PRKCA: variants seen among roughly 807,000 people sequenced by gnomAD.
PRKCA encodes the protein protein kinase C alpha type.
PRKCA carries 27 observed loss-of-function variants against 87.0 expected under a neutral mutation model. The ratio of observed to expected loss-of-function variants is 0.31; its 90% CI spans 0.23 to 0.43. The LOEUF (loss-of-function observed/expected upper bound fraction) is 0.43. PRKCA is among the 20% of genes least tolerant of loss of function. PRKCA has a pLI of 1.00. For synonymous variants in PRKCA, 329 were observed against 311.1 expected (o/e 1.06, Z -0.61); for missense variants, 518 against 852.3 (o/e 0.61, Z 4.88).
chr17:66,697,206 GT>G (rs1180896752), intron 8 of PRKCA, among the ~76,000 whole-genome samples: 1 of 152,198 alleles, frequency 6.6e-6, no homozygotes, highest in African/African-American at 2.4e-5. Context: ...ATTCTAAAAA[GT>G]AAATAGCTAC....
In PRKCA at chr17:66,796,556, C is replaced by T. The variant is rs907258533; in HGVS notation, c.1855-7317C>T. 22 of 985,208 alleles carry T rather than the reference C, an allele frequency of 2.2e-5. No individual in the cohort carries two copies. In the African/African-American group the frequency reaches 3.8e-4, roughly 17 times the overall value. The allele number at this position is 985,208 out of a possible 1,614,324, so 61.0% of individuals were successfully genotyped here. A position where few individuals can be genotyped will look rare whatever the true frequency, so the allele number is the denominator to read the frequency against. ...AGCAAACTAACCCCACTTTATAACCCTTAACCGTGTGCCCCTGCTTGTGTT... is the reference window on the plus strand; with the variant it reads ...AGCAAACTAACCCCACTTTATAACCTTTAACCGTGTGCCCCTGCTTGTGTT... On this transcript the variant is annotated intron_variant, in intron 16 of 16. Transcript: ENST00000413366.
rs1555609694 is a variant in PRKCA at position 66,482,116 on chromosome 17, AAG to A, written c.206-14083_206-14082del. The stretch of plus-strand genomic sequence containing the variant: ...ACTGTCTCAAAAAAAAAAAAAAAAA[AAG>A]AAAAAAAGAAAAAAAAGAAAGTGGA... On this transcript the variant is annotated intron_variant, in intron 2 of 16. Transcript: ENST00000413366. Among the ~76,000 whole-genome samples the A allele has an allele frequency of 6.8e-3, 1,016 of 148,920 alleles. 11 individuals carry two copies. Among genetic ancestry groups the A allele is most frequent in the African/African-American group, 0.024 (939 of 39,938 alleles).
intron 3 of PRKCA, among the ~76,000 whole-genome samples, chr17:66,568,506 G>A (rs1233569815): frequency 6.6e-6 from 1 of 152,086 alleles, no homozygotes; most frequent in Non-Finnish European, 1.5e-5. Context: ...TGGAGGCCAG[G>A]AAGGCTGGCG....
chr17:66,716,350 A>G (rs1284338130), intron 8 of PRKCA, among the ~76,000 whole-genome samples: 1 of 152,196 alleles, frequency 6.6e-6, no homozygotes, highest in Admixed American at 6.5e-5. Flanking sequence ...AAAATGATTA[A>G]GTGCCCAAAG....
chr17:66,314,919 ATG>A lies in PRKCA; in HGVS notation c.205+8798_205+8799del, dbSNP rs1905236694. ...TGTGTGTGTATGTATGTATGTGTAT[ATG>A]TGTGTATATATATGTGTGTGTGTAT... On this transcript the variant is annotated intron_variant, in intron 2 of 16. Transcript: ENST00000413366. 4.8e-5 allele frequency among the ~76,000 whole-genome samples: 7 copies of A among 146,866 alleles called. No homozygotes were observed. In the South Asian group the frequency reaches 1.4e-3, roughly 29 times the overall value.
chr17:66,646,008 T>C (rs909076918), intron 5 of PRKCA, among the ~76,000 whole-genome samples: 2 of 152,206 alleles, frequency 1.3e-5, no homozygotes, highest in African/African-American at 2.4e-5. Flanking sequence ...GAACTTCACA[T>C]AGATTAGTTA....
At chr17:66,731,120 G>C (rs1205111986) in intron 8 of PRKCA, among the ~76,000 whole-genome samples, 1 of 152,164 alleles carries the variant, frequency 6.6e-6, no homozygotes, top group African/African-American at 2.4e-5. Context: ...GGAGGCCGAG[G>C]TGGGCGGATC....
chr17:66,508,812 G>A (rs930502930), intron 3 of PRKCA, among the ~76,000 whole-genome samples: 2 of 152,150 alleles, frequency 1.3e-5, no homozygotes, highest in African/African-American at 4.8e-5. Flanking sequence ...TCTATGAACT[G>A]TCTTTCATAT....
intron 5 of PRKCA, among the ~76,000 whole-genome samples, chr17:66,666,617 A>G (rs1428554755): frequency 6.6e-6 from 1 of 152,222 alleles, no homozygotes; most frequent in Non-Finnish European, 1.5e-5. Flanking sequence ...TACCCAAGGA[A>G]GGGAGAATCA....
chr17:66,309,853 A>T (rs2143131061), intron 2 of PRKCA, among the ~76,000 whole-genome samples: 1 of 152,222 alleles, frequency 6.6e-6, no homozygotes, highest in African/African-American at 2.4e-5. Flanking sequence ...TGTGGTATGG[A>T]CATTGATGAA....
chr17:66,688,453 G>C lies in PRKCA; in HGVS notation c.821+17G>C. The C allele has an allele frequency of 6.2e-7, 1 of 1,613,992 alleles. No individual in the cohort carries two copies. The highest frequency in any genetic ancestry group is 8.5e-7 in the Non-Finnish European group (1 of 1,179,936). On this transcript the variant is annotated intron_variant, in intron 7 of 16. Transcript: ENST00000413366. ...CAGTGGATGGTATGGAAGCCGCTTA[G>C]GTTGAGTATGTCTCAAAGCATCAGA...
At chr17:66,446,527 C>A (rs1321693724) in intron 2 of PRKCA, among the ~76,000 whole-genome samples, 1 of 152,174 alleles carries the variant, frequency 6.6e-6, no homozygotes, top group African/African-American at 2.4e-5. Flanking sequence ...TAAGCAGTTG[C>A]ATTGTTGATG....
intron 3 of PRKCA, among the ~76,000 whole-genome samples, chr17:66,544,502 A>G (rs997131750): frequency 1.3e-5 from 2 of 152,270 alleles, no homozygotes; most frequent in Admixed American, 1.3e-4. Context: ...TCAGTTTTCC[A>G]GAAAATGAGG....
chr17:66,533,187 GT>G (rs2143054562), intron 3 of PRKCA, among the ~76,000 whole-genome samples: 1 of 152,316 alleles, frequency 6.6e-6, no homozygotes, highest in East Asian at 1.9e-4. Flanking sequence ...TAAAACAGCA[GT>G]AAAGTCATAG....
At chr17:66,723,191 A>G (rs955371463) in intron 8 of PRKCA, among the ~76,000 whole-genome samples, 1 of 152,312 alleles carries the variant, frequency 6.6e-6, no homozygotes, top group East Asian at 1.9e-4. Flanking sequence ...GAGTTAGCCC[A>G]CAGAACTCTA....
rs148044978 is a variant in PRKCA at position 66,560,711 on chromosome 17, A to G, written c.288+64428A>G. ...CTATTTCCTCCCAGCTCTGTTTTCT[A>G]AAATCAGGCTGTATGTTCGAATCAC... On this transcript the variant is annotated intron_variant, in intron 3 of 16. Transcript: ENST00000413366. Among the ~76,000 whole-genome samples, 774 of 152,370 alleles carry G rather than the reference A, an allele frequency of 5.1e-3. 6 individuals are homozygous for G. Among genetic ancestry groups the G allele is most frequent in the African/African-American group, 0.017 (717 of 41,594 alleles).
intron 3 of PRKCA, among the ~76,000 whole-genome samples, chr17:66,605,653 A>G (rs1298409188): frequency 6.6e-6 from 1 of 152,270 alleles, no homozygotes; most frequent in Non-Finnish European, 1.5e-5. Context: ...AAGAAGGGTC[A>G]TAGCAGCATC....
chr17:66,622,931 C>T (rs1758445870), intron 3 of PRKCA, among the ~76,000 whole-genome samples: 1 of 152,228 alleles, frequency 6.6e-6, no homozygotes, highest in African/African-American at 2.4e-5. Flanking sequence ...GAGTACAATT[C>T]AAGATGAGAT....
At chr17:66,481,951 A>T (rs955878243) in intron 2 of PRKCA, among the ~76,000 whole-genome samples, 2 of 151,868 alleles carry the variant, frequency 1.3e-5, no homozygotes, top group Non-Finnish European at 2.9e-5. Flanking sequence ...AAATACAAAA[A>T]TTAGCTGGGT....
Sources: allele counts gnomAD v4.1 joint callset (sites outside exome capture counted in the v4.1 genomes callset), GRCh38; gene constraint gnomAD v4.1.1; transcripts MANE v1.5; gene names NCBI Gene and HGNC (gene_info 2026-07-23, HGNC 2026-07-21).